Variants in CCDC201 observed in about 807,000 individuals in gnomAD.
CCDC201 encodes the protein coiled-coil domain-containing protein 201.
chr7:45,864,486 G>A (rs940488421), intron 2 of CCDC201, among the ~76,000 whole-genome samples: 1 of 152,180 alleles, frequency 6.6e-6, no homozygotes, highest in Non-Finnish European at 1.5e-5. Context: ...GTGCAGTGAA[G>A]AAGCAGTTAA....
At chr7:45,884,015 TTC>T in the CCDC201 span, among the ~76,000 whole-genome samples, 6 of 149,294 alleles carry the variant, frequency 4.0e-5, no homozygotes, top group Admixed American at 2.7e-4. Flanking sequence ...TTCTTTTTCT[TTC>T]TCTCTCTTTC....
the CCDC201 span, among the ~76,000 whole-genome samples, chr7:45,883,985 TTTTCTTTCTTTTTC>T: frequency 3.4e-4 from 51 of 148,544 alleles, no homozygotes; most frequent in African/African-American, 1.0e-3. Context: ...CTTTCTTTTC[TTTTCTTTCTTTTTC>T]TTTCTTTCTT....
chr7:45,882,294 G>A, the CCDC201 span, among the ~76,000 whole-genome samples: 334 of 152,290 alleles, frequency 2.2e-3, no homozygotes, highest in Admixed American at 4.3e-3. Context: ...AGCCTCTGCC[G>A]TTGGCAGGAA....
chr7:45,870,514 T>C (rs1485141467), intron 1 of CCDC201, among the ~76,000 whole-genome samples: 1 of 152,008 alleles, frequency 6.6e-6, no homozygotes, highest in Non-Finnish European at 1.5e-5. Flanking sequence ...GAAATGCAAA[T>C]GAAAAAATGT....
chr7:45,884,561 G>A, the CCDC201 span, among the ~76,000 whole-genome samples: 7 of 152,210 alleles, frequency 4.6e-5, no homozygotes, highest in South Asian at 1.5e-3. Flanking sequence ...TGTTATTCCA[G>A]CTCCCAGCAG....
intron 1 of CCDC201, among the ~76,000 whole-genome samples, chr7:45,867,981 G>A (rs1786697721): frequency 1.3e-5 from 2 of 152,232 alleles, no homozygotes; most frequent in South Asian, 4.1e-4. Context: ...TGGTGGGAAA[G>A]TATATTAGTT....
At chr7:45,874,372 C>A, upstream of CCDC201, among the ~76,000 whole-genome samples, 1 of 152,206 alleles carries the variant, frequency 6.6e-6, no homozygotes. Context: ...TTTTTCTGAA[C>A]TTTGCCACTA....
At chr7:45,881,119 G>A in the CCDC201 span, among the ~76,000 whole-genome samples, 1 of 152,272 alleles carries the variant, frequency 6.6e-6, no homozygotes, top group African/African-American at 2.4e-5. Context: ...TGCATGGTCC[G>A]GGTAAGTGTC....
chr7:45,866,098 A>G, exon 2 of CCDC201: 1 of 183,318 alleles, frequency 5.5e-6, no homozygotes, highest in Non-Finnish European at 1.1e-5. Context: ...ATCCCAGGCA[A>G]TCCAGGGTTT....
upstream of CCDC201, among the ~76,000 whole-genome samples, chr7:45,875,005 C>T (rs928236442): frequency 3.3e-5 from 5 of 152,008 alleles, no homozygotes; most frequent in Non-Finnish European, 7.4e-5. Context: ...TGTGCAAAGC[C>T]AGGAAAAGGA....
intron 1 of CCDC201, among the ~76,000 whole-genome samples, chr7:45,868,315 T>C (rs1348062712): frequency 6.6e-6 from 1 of 151,950 alleles, no homozygotes; most frequent in African/African-American, 2.4e-5. Context: ...CCAAGGAGAG[T>C]AGGCCAAAAG....
At chr7:45,870,872 A>C (rs1187688261) in intron 1 of CCDC201, among the ~76,000 whole-genome samples, 1 of 152,236 alleles carries the variant, frequency 6.6e-6, no homozygotes, top group Non-Finnish European at 1.5e-5. Context: ...CACTGGAAAG[A>C]CTTTAAATTC....
At chr7:45,884,239 A>G in the CCDC201 span, among the ~76,000 whole-genome samples, 1 of 152,088 alleles carries the variant, frequency 6.6e-6, no homozygotes, top group Non-Finnish European at 1.5e-5. Flanking sequence ...TAGCTAGACT[A>G]CAGTCATACA....
the CCDC201 span, among the ~76,000 whole-genome samples, chr7:45,879,910 AC>A: frequency 6.6e-6 from 1 of 152,064 alleles, no homozygotes; most frequent in Non-Finnish European, 1.5e-5. Flanking sequence ...ACATGGTGAA[AC>A]CCCATCTCTA....
In CCDC201 at chr7:45,863,123, C is replaced by A. The variant is rs1307737071; in HGVS notation, c.526G>T (p.Glu176Ter). The change falls in exon 3 of 3, where the codon GAA (glutamate) becomes TAA (stop). Residue 176 changes from glutamate to a stop codon, truncating the protein, a stop_gained. Transcript: ENST00000636578. LOFTEE classifies it high-confidence loss of function. ...ATGGTGAGCTCATGCTGGGTGGCTT[C>A]CTCAATGTTCTGAAGCACGTAGATC... The A allele has an allele frequency of 2.0e-5, 3 of 152,230 alleles. No homozygotes were observed. Among genetic ancestry groups the A allele is most frequent in the Admixed American group, 1.3e-4 (2 of 15,290 alleles). The allele number at this position is 152,230 out of a possible 1,614,324, so 9.4% of individuals were successfully genotyped here. A position where few individuals can be genotyped will look rare whatever the true frequency, so the allele number is the denominator to read the frequency against.
the CCDC201 span, among the ~76,000 whole-genome samples, chr7:45,880,746 G>A: frequency 6.6e-6 from 1 of 152,222 alleles, no homozygotes; most frequent in African/African-American, 2.4e-5. Context: ...GTTGTAATTG[G>A]CAGGCTTTGC....
chr7:45,881,588 A>G, the CCDC201 span, among the ~76,000 whole-genome samples: 1 of 152,108 alleles, frequency 6.6e-6, no homozygotes, highest in Non-Finnish European at 1.5e-5. Flanking sequence ...CCCCTTTACC[A>G]GAGGTGAGAA....
chr7:45,862,704 G>T (rs1236087928), exon 3 of CCDC201: 1 of 152,214 alleles, frequency 6.6e-6, no homozygotes, highest in African/African-American at 2.4e-5. Context: ...CCCTCGCCTA[G>T]ACATCAGCTC....
At chr7:45,880,875 G>T in the CCDC201 span, among the ~76,000 whole-genome samples, 1 of 152,170 alleles carries the variant, frequency 6.6e-6, no homozygotes, top group East Asian at 1.9e-4. Flanking sequence ...CCTATTATGG[G>T]CTGGGTGAGT....
Sources: gnomAD v4.1 joint callset for allele counts (sites outside exome capture counted in the v4.1 genomes callset) on GRCh38, gnomAD v4.1.1 for gene constraint, MANE v1.5 for transcripts, NCBI Gene and HGNC (gene_info 2026-07-23, HGNC 2026-07-21) for gene names.